VPS54: variants seen among roughly 807,000 people sequenced by gnomAD.
VPS54 encodes vacuolar protein sorting-associated protein 54.
VPS54 carries 45 observed loss-of-function variants against 121.5 expected under a neutral mutation model. That is an observed-to-expected ratio of 0.37 (90% CI 0.29 to 0.47). The LOEUF (loss-of-function observed/expected upper bound fraction) is 0.47. VPS54 is among the 20% of genes least tolerant of loss of function. The pLI, the probability that VPS54 is intolerant of heterozygous loss-of-function variation, is 0.99. For missense variants in VPS54, 1,090 were observed against 1,131.4 expected, an observed-to-expected ratio of 0.96 and a Z score of 0.52; for synonymous variants, 371 against 385.8, an observed-to-expected ratio of 0.96 and a Z score of 0.45.
chr2:63,966,122 T>A (rs1190045469), intron 5 of VPS54, among the ~76,000 whole-genome samples, 156 bp from the exon 6 acceptor site: 1 of 152,162 alleles, frequency 6.6e-6, no homozygotes, highest in Non-Finnish European at 1.5e-5. Context: ...CAAATATCTA[T>A]AAGAAAAATG....
At chr2:63,976,868 A>G (rs13014029) in intron 3 of VPS54, among the ~76,000 whole-genome samples, 85,266 of 136,772 alleles carry the variant, frequency 0.62, 26,598 homozygotes, top group African/African-American at 0.67. Flanking sequence ...TTGCTCTGTC[A>G]CCCAGGCTGG....
intron 20 of VPS54, among the ~76,000 whole-genome samples, chr2:63,906,683 A>G (rs991255437): frequency 6.6e-6 from 1 of 152,170 alleles, no homozygotes; most frequent in African/African-American, 2.4e-5. Context: ...AGAGATACAC[A>G]ACATAGTTTC....
chr2:63,988,697 G>A (rs536858832), intron 1 of VPS54, among the ~76,000 whole-genome samples: 10 of 152,022 alleles, frequency 6.6e-5, no homozygotes, highest in South Asian at 6.2e-4. Flanking sequence ...CATCATCTTC[G>A]TAAAATGAGG....
intron 10 of VPS54, among the ~76,000 whole-genome samples, chr2:63,944,300 G>C (rs1396221608): frequency 6.6e-6 from 1 of 152,026 alleles, no homozygotes; most frequent in African/African-American, 2.4e-5. Flanking sequence ...AAACTGGAAG[G>C]AGTAAAGGTA....
At chr2:64,016,309 A>G (rs934927346) in intron 1 of VPS54, among the ~76,000 whole-genome samples, 2 of 152,222 alleles carry the variant, frequency 1.3e-5, no homozygotes, top group Non-Finnish European at 2.9e-5. Flanking sequence ...ATCACTTTTA[A>G]TATTGGTGAT....
intron 1 of VPS54, among the ~76,000 whole-genome samples, chr2:64,015,890 C>T (rs1678663166): frequency 3.3e-5 from 5 of 152,172 alleles, no homozygotes; most frequent in Middle Eastern, 3.2e-3. Flanking sequence ...TATAGTCACC[C>T]ACTTTTCCCC....
intron 21 of VPS54, among the ~76,000 whole-genome samples, chr2:63,897,891 G>T (rs992606044): frequency 3.3e-5 from 5 of 152,186 alleles, no homozygotes; most frequent in Non-Finnish European, 2.9e-5. Context: ...TAGTAAGTAG[G>T]AAGTTGGTAG....
chr2:63,975,176 G>A, intron 3 of VPS54: 1 of 653,550 alleles, frequency 1.5e-6, no homozygotes, highest in Non-Finnish European at 2.5e-6. Flanking sequence ...CTCCCAAGTA[G>A]CTGAAATCCC....
At chr2:63,924,182 G>A (rs1055202386) in intron 12 of VPS54, among the ~76,000 whole-genome samples, 1 of 152,190 alleles carries the variant, frequency 6.6e-6, no homozygotes, top group African/African-American at 2.4e-5. Context: ...AAATGGTGTG[G>A]CAGAAAGCTA....
intron 9 of VPS54, 83 bp downstream of exon 9, chr2:63,947,300 T>C (rs866006715): frequency 7.2e-6 from 9 of 1,256,442 alleles, no homozygotes; most frequent in Middle Eastern, 5.6e-4. Flanking sequence ...TATTACACTA[T>C]ATATATTATT....
At chr2:64,010,147 T>A (rs1179069477) in intron 1 of VPS54, among the ~76,000 whole-genome samples, 1 of 152,166 alleles carries the variant, frequency 6.6e-6, no homozygotes, top group Non-Finnish European at 1.5e-5. Flanking sequence ...TGGCCCCATA[T>A]AATTGACTTA....
intron 1 of VPS54, among the ~76,000 whole-genome samples, chr2:63,986,358 G>A (rs151172833): frequency 2.8e-3 from 427 of 152,208 alleles, no homozygotes; most frequent in East Asian, 0.018. Flanking sequence ...ACAAATAAGG[G>A]AGAACATGTG....
Position 63,921,332 on chromosome 2 carries a change from G to T in VPS54, c.1743C>A (p.Val581=). The T allele has an allele frequency of 6.2e-7, 1 of 1,611,006 alleles. No homozygotes were observed. Among genetic ancestry groups the T allele is most frequent in the South Asian group, 1.1e-5 (1 of 90,626 alleles). Residue 581 remains valine, a synonymous_variant, in exon 13 of 23, where the codon GTC becomes GTA. Transcript: ENST00000272322. ...SAIPGGVDIM[V]SEDMKLTDSE... is the part of the protein sequence containing the mutation. ...AGTCAGTTAATTTCATATCTTCACT[G>T]ACCCTGAAAATAACAAAATAAGATT...
rs1210010782 is a variant in VPS54, at chr2:63,899,525, C to T, written c.2682G>A (p.Met894Ile). The T allele has an allele frequency of 1.2e-6, 2 of 1,613,774 alleles. No individual in the cohort carries two copies. Residue 894 changes from methionine to isoleucine, a missense_variant, in exon 21 of 23, where the codon ATG becomes ATA. Physicochemically the swap from Met to Ile is conservative, Grantham distance 10. Transcript: ENST00000272322. ...CAAATATAGCTTCGTGCATTTTTGTCATTTGCTTACAAATATTCCTGAAAC... is the reference window on the plus strand; with the variant it reads ...CAAATATAGCTTCGTGCATTTTTGTTATTTGCTTACAAATATTCCTGAAAC... Reference protein sequence around the residue: ...SACFRNICKQMTKMHEAIFDL... With the variant: ...SACFRNICKQITKMHEAIFDL...
At chr2:64,014,780 A>T (rs1351146439) in intron 1 of VPS54, among the ~76,000 whole-genome samples, 2 of 135,192 alleles carry the variant, frequency 1.5e-5, no homozygotes, top group African/African-American at 5.0e-5. Context: ...TAATACATGG[A>T]TTATCACTAC....
chr2:63,947,783 TC>T (rs1429557801), intron 8 of VPS54, among the ~76,000 whole-genome samples: 1 of 152,110 alleles, frequency 6.6e-6, no homozygotes, highest in Non-Finnish European at 1.5e-5. Flanking sequence ...AAAATATCCT[TC>T]TCACACCCTG....
chr2:63,937,685 T>C (rs1447352134), intron 11 of VPS54, among the ~76,000 whole-genome samples: 1 of 152,170 alleles, frequency 6.6e-6, no homozygotes, highest in Non-Finnish European at 1.5e-5. Flanking sequence ...GAGAGATATT[T>C]GCATATGCAT....
At chr2:63,970,251 A>C (rs1676213640) in intron 4 of VPS54, among the ~76,000 whole-genome samples, 1 of 94,694 alleles carries the variant, frequency 1.1e-5, no homozygotes, top group Admixed American at 9.8e-5. Context: ...TAATATATAT[A>C]TAGATATATA....
At chr2:63,964,107 C>T (rs1675884206) in intron 6 of VPS54, among the ~76,000 whole-genome samples, 1 of 152,132 alleles carries the variant, frequency 6.6e-6, no homozygotes, top group African/African-American at 2.4e-5. Context: ...TAAAAGCGAA[C>T]ATGATAAACC....
Sources: allele counts gnomAD v4.1 joint callset (sites outside exome capture counted in the v4.1 genomes callset), GRCh38; gene constraint gnomAD v4.1.1; transcripts MANE v1.5; gene names NCBI Gene and HGNC (gene_info 2026-07-23, HGNC 2026-07-21).